Variants in HTN3 observed in about 807,000 individuals in gnomAD.
HTN3 encodes the protein histatin 3.
Under a neutral mutation model 10.6 loss-of-function variants are expected in HTN3, and 15 were observed. That is an observed-to-expected ratio of 1.42 (90% confidence interval 0.95 to 2.18). The LOEUF is 2.18. Ranked by LOEUF, HTN3 falls within the 30% of genes most tolerant of loss-of-function variation. The pLI is 0.00. For missense variants in HTN3, 68 were observed against 58.0 expected (o/e 1.17, Z -0.56); for synonymous variants, 15 against 16.9 (o/e 0.89, Z 0.27).
chr4:70,035,263 C>A (rs1725486422), intron 5 of HTN3, among the ~76,000 whole-genome samples: 1 of 152,160 alleles, frequency 6.6e-6, no homozygotes. Flanking sequence ...GTGTTTTTAT[C>A]CTGACCCTGA....
intron 5 of HTN3, chr4:70,034,050 T>C (rs2109710345): frequency 6.6e-6 from 1 of 151,984 alleles, no homozygotes; most frequent in East Asian, 1.9e-4. Flanking sequence ...TATACAAAAA[T>C]TAACTCAAGA....
chr4:70,036,097 A>G (rs1180440324), intron 5 of HTN3, among the ~76,000 whole-genome samples, 170 bp from the exon 6 acceptor site: 1 of 152,206 alleles, frequency 6.6e-6, no homozygotes, highest in Non-Finnish European at 1.5e-5. Flanking sequence ...TACCCACTTA[A>G]TGAGTATTTA....
chr4:70,030,683 G>A, intron 1 of HTN3, 45 bp from the exon 2 acceptor site: 1 of 1,223,408 alleles, frequency 8.2e-7, no homozygotes. Context: ...ATGAATGAAT[G>A]CATGAAAGAA....
intron 4 of HTN3, among the ~76,000 whole-genome samples, 165 bp downstream of exon 4, chr4:70,032,272 A>T (rs1725399572): frequency 6.6e-6 from 1 of 152,020 alleles, no homozygotes; most frequent in Non-Finnish European, 1.5e-5. Flanking sequence ...GGTCACAAAA[A>T]TCTTGTGTTC....
chr4:70,032,166 C>T, intron 4 of HTN3, 59 bp downstream of exon 4: 1 of 1,074,860 alleles, frequency 9.3e-7, no homozygotes, highest in Non-Finnish European at 1.4e-6. Context: ...ACTATTTATT[C>T]TCCTAGAATA....
chr4:70,033,781 T>A (rs1578174893), intron 5 of HTN3: 1 of 152,310 alleles, frequency 6.6e-6, no homozygotes, highest in South Asian at 2.1e-4. Flanking sequence ...CTTCTCTTAT[T>A]TCCTTGAGCA....
chr4:70,030,891 T>C (rs1725370035), intron 2 of HTN3, 100 bp downstream of exon 2: 1 of 874,596 alleles, frequency 1.1e-6, no homozygotes, highest in South Asian at 1.5e-5. Context: ...TTCACCTCAA[T>C]ACAGCTTTAA....
intron 1 of HTN3, among the ~76,000 whole-genome samples, chr4:70,029,906 T>C (rs776849): frequency 0.034 from 5,147 of 152,250 alleles, 273 homozygotes; most frequent in African/African-American, 0.11. Flanking sequence ...TGTTCTAATC[T>C]CAAGGTTGCA....
chr4:70,034,889 T>C (rs1159495502), intron 5 of HTN3, among the ~76,000 whole-genome samples: 1 of 152,200 alleles, frequency 6.6e-6, no homozygotes, highest in Non-Finnish European at 1.5e-5. Context: ...TGAGATCCTG[T>C]CCTTTGCAGG....
chr4:70,031,654 A>T (rs1034624033), intron 2 of HTN3, among the ~76,000 whole-genome samples: 2 of 152,154 alleles, frequency 1.3e-5, no homozygotes, highest in African/African-American at 4.8e-5. Context: ...TACATAGAAC[A>T]TATTCATATA....
chr4:70,028,865 T>C (rs1455940274), intron 1 of HTN3, among the ~76,000 whole-genome samples: 1 of 152,120 alleles, frequency 6.6e-6, no homozygotes, highest in Non-Finnish European at 1.5e-5. Context: ...TACAAGATAC[T>C]GATAGATTCT....
At chr4:70,029,792 T>C (rs1401105676) in intron 1 of HTN3, among the ~76,000 whole-genome samples, 1 of 152,150 alleles carries the variant, frequency 6.6e-6, no homozygotes, top group African/African-American at 2.4e-5. Context: ...ATAATATTAT[T>C]TGAAATATTG....
At chr4:70,031,617 A>T (rs568269823) in intron 2 of HTN3, among the ~76,000 whole-genome samples, 26 of 152,268 alleles carry the variant, frequency 1.7e-4, no homozygotes, top group African/African-American at 6.3e-4. Flanking sequence ...AGCAAATAAA[A>T]TATTTGTATG....
chr4:70,029,524 C>A (rs1725323139), intron 1 of HTN3, among the ~76,000 whole-genome samples: 1 of 151,596 alleles, frequency 6.6e-6, no homozygotes, highest in Admixed American at 6.6e-5. Context: ...TCACAAGTGA[C>A]AGGTAAGAGA....
chr4:70,028,980 G>C (rs1463264689), intron 1 of HTN3, among the ~76,000 whole-genome samples: 1 of 151,838 alleles, frequency 6.6e-6, no homozygotes, highest in Non-Finnish European at 1.5e-5. Context: ...ATTAAAAACA[G>C]TTCTGTTATA....
intron 2 of HTN3, among the ~76,000 whole-genome samples, 189 bp from the exon 3 acceptor site, chr4:70,031,790 T>C (rs800756): frequency 0.12 from 18,241 of 152,026 alleles, 1,277 homozygotes; most frequent in Middle Eastern, 0.19. Context: ...AGCATATTAA[T>C]TATAGAGAAG....
chr4:70,034,471 A>G (rs1725461380), intron 5 of HTN3: 1 of 152,240 alleles, frequency 6.6e-6, no homozygotes, highest in African/African-American at 2.4e-5. Flanking sequence ...CATCACAATC[A>G]TTAGAGAAAT....
At chr4:70,034,428 T>C (rs1181510391) in intron 5 of HTN3, 2 of 152,198 alleles carry the variant, frequency 1.3e-5, no homozygotes, top group South Asian at 2.1e-4. Context: ...GAAGAAGACA[T>C]TTATGTGGCC....
intron 1 of HTN3, among the ~76,000 whole-genome samples, chr4:70,028,948 C>A (rs1367182147): frequency 1.3e-5 from 2 of 151,900 alleles, no homozygotes; most frequent in African/African-American, 4.8e-5. Context: ...TATTTTATTA[C>A]TTTTTCATTG....
Sources: allele counts gnomAD v4.1 joint callset (sites outside exome capture counted in the v4.1 genomes callset), GRCh38; gene constraint gnomAD v4.1.1; transcripts MANE v1.5; gene names NCBI Gene and HGNC (gene_info 2026-07-23, HGNC 2026-07-21).